The following CADPS2 variants were observed in gnomAD, a reference collection of about 807,000 sequenced individuals.
The protein encoded by CADPS2 is calcium-dependent secretion activator 2.
In CADPS2, 93 loss-of-function variants were observed where a neutral mutation model predicts 172.5. The ratio of observed to expected loss-of-function variants is 0.54; its 90% confidence interval spans 0.46 to 0.64. CADPS2 has a LOEUF of 0.64. Ranked by LOEUF, CADPS2 falls within the 30% of genes least tolerant of loss-of-function variation. CADPS2 has a pLI of 0.00. For missense variants in CADPS2, 1,420 were observed against 1,565.9 expected, an observed-to-expected ratio of 0.91 and a Z score of 1.57; for synonymous variants, 546 against 555.2, an observed-to-expected ratio of 0.98 and a Z score of 0.23.
chr7:122,670,190 A>AT (rs201538526), intron 2 of CADPS2, among the ~76,000 whole-genome samples: 1 of 151,978 alleles, frequency 6.6e-6, no homozygotes, highest in Non-Finnish European at 1.5e-5. Flanking sequence ...ATATATATAT[A>AT]AACACTGATC....
At chr7:122,424,000 G>T (rs1303691657) in intron 17 of CADPS2, among the ~76,000 whole-genome samples, 1 of 152,172 alleles carries the variant, frequency 6.6e-6, no homozygotes, top group African/African-American at 2.4e-5. Flanking sequence ...GGTAAAAGGT[G>T]ACTTTTTCTG....
chr7:122,738,103 C>T (rs1165072943), intron 1 of CADPS2, among the ~76,000 whole-genome samples: 1 of 152,116 alleles, frequency 6.6e-6, no homozygotes, highest in Non-Finnish European at 1.5e-5. Flanking sequence ...AGGGTCCTTA[C>T]CCTGGGTCTA....
chr7:122,554,121 T>C (rs1176157131), intron 8 of CADPS2, among the ~76,000 whole-genome samples: 1 of 152,164 alleles, frequency 6.6e-6, no homozygotes, highest in Admixed American at 6.6e-5. Context: ...CTTGTTAAAA[T>C]GTATATAGCC....
At chr7:122,833,689 C>A (rs963491848) in intron 1 of CADPS2, among the ~76,000 whole-genome samples, 7 of 152,084 alleles carry the variant, frequency 4.6e-5, no homozygotes, top group African/African-American at 1.7e-4. Context: ...AGCCACCACG[C>A]CTGGCCTTTA....
chr7:122,491,070 T>G (rs974063048), intron 10 of CADPS2, among the ~76,000 whole-genome samples: 6 of 152,206 alleles, frequency 3.9e-5, no homozygotes, highest in African/African-American at 1.2e-4. Context: ...ATTATTCCAT[T>G]ACAGTGAATT....
intron 20 of CADPS2, among the ~76,000 whole-genome samples, chr7:122,406,157 A>G (rs1363054612): frequency 6.6e-6 from 1 of 152,152 alleles, no homozygotes; most frequent in Admixed American, 6.5e-5. Context: ...TTTCATGTCT[A>G]TGTGATTTCC....
intron 14 of CADPS2, among the ~76,000 whole-genome samples, chr7:122,452,604 C>G (rs1214103329): frequency 6.6e-6 from 1 of 152,146 alleles, no homozygotes; most frequent in Non-Finnish European, 1.5e-5. Flanking sequence ...CCATGTTGTT[C>G]AGGCTGGTCT....
At chr7:122,771,296 G>A (rs1260363436) in intron 1 of CADPS2, among the ~76,000 whole-genome samples, 1 of 152,184 alleles carries the variant, frequency 6.6e-6, no homozygotes, top group East Asian at 1.9e-4. Flanking sequence ...ATCTTTCAGA[G>A]AGAACACTCC....
intron 8 of CADPS2, among the ~76,000 whole-genome samples, chr7:122,527,296 C>G (rs28493239): frequency 6.6e-6 from 1 of 151,744 alleles, no homozygotes; most frequent in Admixed American, 6.6e-5. Context: ...CTTCAACCAC[C>G]GCTGAAAATG....
chr7:122,330,999 CTT>C (rs1305439449), intron 28 of CADPS2: 1 of 152,086 alleles, frequency 6.6e-6, no homozygotes, highest in African/African-American at 2.4e-5. Flanking sequence ...TTAAATTTGA[CTT>C]ACAGGAAAAG....
intron 1 of CADPS2, among the ~76,000 whole-genome samples, chr7:122,759,572 GCTT>G (rs960465273): frequency 2.0e-5 from 3 of 152,042 alleles, no homozygotes; most frequent in African/African-American, 7.2e-5. Context: ...AGAAAAAAAG[GCTT>G]TTGAATCTTC....
At chr7:122,803,460 G>C (rs890325948) in intron 1 of CADPS2, among the ~76,000 whole-genome samples, 1 of 152,106 alleles carries the variant, frequency 6.6e-6, no homozygotes, top group Non-Finnish European at 1.5e-5. Context: ...CTGAAAGAAC[G>C]CTACATTGCT....
At chr7:122,534,300 A>T (rs2062032158) in intron 8 of CADPS2, among the ~76,000 whole-genome samples, 1 of 151,984 alleles carries the variant, frequency 6.6e-6, no homozygotes, top group Non-Finnish European at 1.5e-5. Context: ...TTGAACTGAT[A>T]TGATCAGTTC....
rs2032070607 is a variant in CADPS2 at position 122,320,055 on chromosome 7, C to A, written c.*110G>T. Reference sequence around the variant, plus strand: ...GGCTTACTTTTTAAAGAAATACAAGCATTTTTATTTGGCCAAAACAAACAA... The same window carrying A: ...GGCTTACTTTTTAAAGAAATACAAGAATTTTTATTTGGCCAAAACAAACAA... On this transcript the variant is annotated 3_prime_UTR_variant, in exon 30 of 30. Coordinates refer to ENST00000449022, the MANE Select transcript of CADPS2 (RefSeq NM_017954.11). 3.6e-6 allele frequency: 4 copies of A among 1,104,200 alleles called. No individual in the cohort carries two copies. The highest frequency in any genetic ancestry group is 4.8e-6 in the Non-Finnish European group (4 of 833,762). 68.4% of individuals were successfully genotyped at this position (1,104,200 alleles called of 1,614,324 possible). A position where few individuals can be genotyped will look rare whatever the true frequency, so the allele number is the denominator to read the frequency against.
intron 3 of CADPS2, among the ~76,000 whole-genome samples, chr7:122,637,208 T>TTTTTTTTTTTTTTTTTTTTCTC (rs778963218): frequency 3.2e-5 from 2 of 62,694 alleles, no homozygotes; most frequent in African/African-American, 6.2e-5. Flanking sequence ...TTTTTTTTTT[T>TTTTTTTTTTTTTTTTTTTTCTC]CCTGAGACAG....
chr7:122,841,492 T>C (rs911975709), intron 1 of CADPS2, among the ~76,000 whole-genome samples: 2 of 152,202 alleles, frequency 1.3e-5, no homozygotes, highest in African/African-American at 4.8e-5. Context: ...ACCTATACCT[T>C]ACTGTATAAA....
At chr7:122,783,427 C>T (rs1043206542) in intron 1 of CADPS2, among the ~76,000 whole-genome samples, 1 of 151,962 alleles carries the variant, frequency 6.6e-6, no homozygotes, top group Admixed American at 6.6e-5. Context: ...TTTTTCCTGC[C>T]GCAGCGTTCC....
intron 2 of CADPS2, among the ~76,000 whole-genome samples, chr7:122,730,846 A>C (rs2091568384): frequency 6.6e-6 from 1 of 151,704 alleles, no homozygotes; most frequent in African/African-American, 2.4e-5. Context: ...TACTTCTATT[A>C]AAAAGTGTTC....
chr7:122,629,156 T>G, intron 4 of CADPS2, 92 bp downstream of exon 4: 1 of 924,522 alleles, frequency 1.1e-6, no homozygotes, highest in Non-Finnish European at 1.6e-6. Flanking sequence ...GCTGGCTCTT[T>G]TTTTTTTAAC....
Sources: gnomAD v4.1 joint callset for allele counts (sites outside exome capture counted in the v4.1 genomes callset) on GRCh38, gnomAD v4.1.1 for gene constraint, MANE v1.5 for transcripts, NCBI Gene and HGNC (gene_info 2026-07-23, HGNC 2026-07-21) for gene names.